The following CADM3 variants were observed in gnomAD, a reference collection of about 807,000 sequenced individuals.
CADM3 encodes cell adhesion molecule 3.
A neutral mutation model predicts 44.9 loss-of-function variants in CADM3; 11 were observed. That is an observed-to-expected ratio of 0.25 (90% CI 0.15 to 0.41). The LOEUF (loss-of-function observed/expected upper bound fraction) is 0.41, where lower values mean the gene tolerates loss of function less well. CADM3 is among the 10% of genes least tolerant of loss of function. The probability of loss-of-function intolerance (pLI) is 1.00; values close to 1 mark genes in which losing one functional copy is unlikely to be tolerated. For missense variants in CADM3, 426 were observed against 512.0 expected, an observed-to-expected ratio of 0.83 and a Z score of 1.62; for synonymous variants, 207 against 205.2, an observed-to-expected ratio of 1.01 and a Z score of -0.08.
At chr1:159,188,842 T>G (rs1649530366) in intron 1 of CADM3, among the ~76,000 whole-genome samples, 1 of 152,154 alleles carries the variant, frequency 6.6e-6, no homozygotes, top group Non-Finnish European at 1.5e-5. Context: ...GATTTAAAAT[T>G]GTCTGCAGGG....
chr1:159,181,185 AC>A (rs1362362202), intron 1 of CADM3, among the ~76,000 whole-genome samples: 1 of 152,186 alleles, frequency 6.6e-6, no homozygotes, highest in African/African-American at 2.4e-5. Flanking sequence ...AAGATGAGGA[AC>A]TTTTTCCCCC....
chr1:159,197,287 T>A, intron 7 of CADM3: 1 of 468,898 alleles, frequency 2.1e-6, no homozygotes, highest in Non-Finnish European at 3.8e-6. Flanking sequence ...CATCTGCCTT[T>A]CTTTGGTAGT....
chr1:159,171,830 G>A lies in CADM3; in HGVS notation c.65G>A (p.Gly22Asp). 2 of 1,245,640 alleles carry A rather than the reference G, an allele frequency of 1.6e-6. No homozygotes were observed. The highest frequency in any genetic ancestry group is 4.0e-5 in the Admixed American group (1 of 24,990). 77.2% of individuals were successfully genotyped at this position (1,245,640 alleles called of 1,614,324 possible). ...CTGTTCGCCTGCTGCTGGGCGCCCG[G>A]CGGGGCCAACCTCTCCCAGGACGGT... The part of the protein sequence containing the change: ...LLLFACCWAP[G>D]GANLSQDDSQ... Residue 22 changes from glycine (G) to aspartate (D), a missense_variant, in exon 1 of 9, where the codon GGC (glycine) becomes GAC (aspartate). Gly to Asp is a moderately conservative substitution (Grantham distance 94). Coordinates refer to ENST00000368125, the MANE Select transcript of CADM3 (RefSeq NM_001127173.3).
At position 159,200,833 on chromosome 1, in the gene CADM3, T is replaced by G; in HGVS notation, c.1108T>G (p.Ser370Ala). 6.2e-7 allele frequency: 1 copy of G among 1,609,348 alleles called. No homozygotes were observed. The highest frequency in any genetic ancestry group is 8.5e-7 in the Non-Finnish European group (1 of 1,177,550). The change falls in exon 9 of 9, where the codon TCC (serine) becomes GCC (alanine). Residue 370 changes from serine to alanine, a missense_variant. This residue lies in a region of CADM3 where 362 missense variants were observed against 474.6 expected (regional missense o/e 0.76). Transcript: ENST00000368125. ...CTACCTGACACATGAGGCAAAAGGC[T>G]CCGACGATGCTCCAGACGCGGACAC... ...GTYLTHEAKGSDDAPDADTAI... is the reference protein window; with the variant it reads ...GTYLTHEAKGADDAPDADTAI...
chr1:159,175,325 A>G (rs1224082730), intron 1 of CADM3, among the ~76,000 whole-genome samples: 1 of 152,256 alleles, frequency 6.6e-6, no homozygotes. Flanking sequence ...AGTTTAGTTA[A>G]TTCCATGAAG....
chr1:159,187,192 T>C (rs1649451522), intron 1 of CADM3, among the ~76,000 whole-genome samples: 1 of 152,224 alleles, frequency 6.6e-6, no homozygotes, highest in African/African-American at 2.4e-5. Flanking sequence ...ATTAACAATA[T>C]ACATAGCACA....
chr1:159,202,263 C>T lies in CADM3; in HGVS notation c.*1341C>T. 1 of 152,746 alleles carries T rather than the reference C, an allele frequency of 6.5e-6. No individual in the cohort carries two copies. The highest frequency in any genetic ancestry group is 1.5e-5 in the Non-Finnish European group (1 of 68,284). 9.5% of individuals were successfully genotyped at this position (152,746 alleles called of 1,614,324 possible). ...TTCACACCTCACCTGGGATGTTGTTCCATGCTGGTATTTCCTCTGCCACCC... is the reference window on the plus strand; with the variant it reads ...TTCACACCTCACCTGGGATGTTGTTTCATGCTGGTATTTCCTCTGCCACCC... On this transcript the variant is annotated 3_prime_UTR_variant, in exon 9 of 9. Transcript: ENST00000368125.
intron 1 of CADM3, among the ~76,000 whole-genome samples, chr1:159,183,588 G>C (rs918004078): frequency 1.3e-5 from 2 of 152,130 alleles, no homozygotes; most frequent in Non-Finnish European, 2.9e-5. Flanking sequence ...GAGCTGGAAC[G>C]CATTGGAACT....
rs1333940519 is a variant in CADM3 at position 159,193,279 on chromosome 1, A to G, written c.383-144A>G. The G allele has an allele frequency of 3.3e-6, 3 of 922,238 alleles. No homozygotes were observed. The East Asian group carries it at 7.5e-5, about 23-fold the overall frequency. 57.1% of individuals were successfully genotyped at this position (922,238 alleles called of 1,614,324 possible). On this transcript the variant is annotated intron_variant, in intron 3 of 8. Transcript: ENST00000368125. ...CTGGTCCTCAGGGAGGAGATCAAAA[A>G]GAAAGATGATTTATCTAGTCTTCTA... is the stretch of plus-strand genomic sequence containing the variant.
chr1:159,194,198 T>A (rs954455144), intron 5 of CADM3, 158 bp downstream of exon 5: 12 of 706,536 alleles, frequency 1.7e-5, no homozygotes, highest in Non-Finnish European at 2.3e-5. Context: ...GTTGGCAAAC[T>A]CTTTACAGAG....
In CADM3 at chr1:159,171,747, G is replaced by C; in HGVS notation, c.-19G>C. 8.1e-7 allele frequency: 1 copy of C among 1,232,664 alleles called. No individual in the cohort carries two copies. The highest frequency in any genetic ancestry group is 1.0e-6 in the Non-Finnish European group (1 of 987,794). The allele number at this position is 1,232,664 out of a possible 1,614,324, so 76.4% of individuals were successfully genotyped here. A position where few individuals can be genotyped will look rare whatever the true frequency, so the allele number is the denominator to read the frequency against. On this transcript the variant is annotated 5_prime_UTR_variant, in exon 1 of 9. Transcript: ENST00000368125. ...TCAGGCTCGCCAGCGCCCAGCCAGG[G>C]AGCCGGCCGGGAAGCGCGATGGGGG...
chr1:159,171,720 A>C lies in CADM3; in HGVS notation c.-46A>C. The C allele has an allele frequency of 4.2e-6, 5 of 1,182,894 alleles. No individual in the cohort carries two copies. The highest frequency in any genetic ancestry group is 5.3e-6 in the Non-Finnish European group (5 of 943,630). 73.3% of individuals were successfully genotyped at this position (1,182,894 alleles called of 1,614,324 possible). A position where few individuals can be genotyped will look rare whatever the true frequency, so the allele number is the denominator to read the frequency against. On this transcript the variant is annotated 5_prime_UTR_variant, in exon 1 of 9. Coordinates refer to ENST00000368125, the MANE Select transcript of CADM3 (RefSeq NM_001127173.3). ...CCCTCCCCATCCCCAGCCCCCGGGG[A>C]TTCAGGCTCGCCAGCGCCCAGCCAG... is the stretch of plus-strand genomic sequence containing the variant.
intron 7 of CADM3, 136 bp downstream of exon 7, chr1:159,197,196 G>T: frequency 2.4e-6 from 2 of 837,898 alleles, no homozygotes; most frequent in Non-Finnish European, 3.7e-6. Flanking sequence ...CACCACTGGG[G>T]TCCCTGAGGG....
intron 2 of CADM3, among the ~76,000 whole-genome samples, chr1:159,192,372 A>G (rs1190761621): frequency 1.3e-5 from 2 of 152,056 alleles, no homozygotes; most frequent in African/African-American, 2.4e-5. Flanking sequence ...AATCCAAACT[A>G]TTTTCTGAGT....
intron 1 of CADM3, among the ~76,000 whole-genome samples, chr1:159,190,644 C>T (rs1226427174): frequency 6.6e-6 from 1 of 152,206 alleles, no homozygotes; most frequent in South Asian, 2.1e-4. Flanking sequence ...AGCATCAACT[C>T]CAGCACGCAC....
At chr1:159,199,710 C>T (rs1225416106) in intron 7 of CADM3, 41 bp from the exon 8 acceptor site, 10 of 1,613,860 alleles carry the variant, frequency 6.2e-6, no homozygotes, top group East Asian at 2.2e-5. Flanking sequence ...AAGATAAGGG[C>T]TCTCCCCAGA....
chr1:159,173,961 G>A (rs1431635233), intron 1 of CADM3, among the ~76,000 whole-genome samples: 2 of 152,232 alleles, frequency 1.3e-5, no homozygotes, highest in African/African-American at 4.8e-5. Flanking sequence ...TTGAGAGGAA[G>A]AGAAATGTTA....
At chr1:159,193,299 C>G in intron 3 of CADM3, 124 bp from the exon 4 acceptor site, 1 of 1,048,300 alleles carries the variant, frequency 9.5e-7, no homozygotes, top group South Asian at 1.6e-5. Flanking sequence ...TTTATCTAGT[C>G]TTCTACCCAT....
In CADM3 at chr1:159,192,586, G is replaced by C; in HGVS notation, c.238G>C (p.Asp80His). Residue 80 changes from aspartate (D) to histidine (H), a missense_variant, in exon 3 of 9, where the codon GAT becomes CAT. Asp to His is a moderately conservative substitution (Grantham distance 81). This residue lies in a region of CADM3 where 362 missense variants were observed against 474.6 expected (regional missense o/e 0.76). Transcript: ENST00000368125. ...TCTCTTGATTTCCCCAGCCCTTCGA[G>C]ATAATCGAATTCAGCTGGTTACCTC... Reference protein sequence around the residue: ...LYFGEKRALRDNRIQLVTSTP... With the variant: ...LYFGEKRALRHNRIQLVTSTP... The C allele has an allele frequency of 6.2e-7, 1 of 1,614,104 alleles. No homozygotes were observed. Among genetic ancestry groups the C allele is most frequent in the Non-Finnish European group, 8.5e-7 (1 of 1,180,010 alleles).
Sources: allele counts gnomAD v4.1 joint callset (sites outside exome capture counted in the v4.1 genomes callset), GRCh38; gene constraint gnomAD v4.1.1; regional missense constraint gnomAD v4.1.1; transcripts MANE v1.5; gene names NCBI Gene and HGNC (gene_info 2026-07-23, HGNC 2026-07-21).